AMMECR1: variants seen among roughly 807,000 people sequenced by gnomAD.
The protein encoded by AMMECR1 is nuclear protein AMMECR1.
AMMECR1 carries 3 observed loss-of-function variants against 22.5 expected under a neutral mutation model. The observed-to-expected ratio is 0.13, with a 90% CI of 0.06 to 0.35. The LOEUF (loss-of-function observed/expected upper bound fraction) is 0.35. Among genes scored for constraint, AMMECR1 ranks in the 10% least tolerant of loss-of-function variants. The pLI is 1.00. For synonymous variants in AMMECR1, 130 were observed against 116.7 expected, an observed-to-expected ratio of 1.11 and a Z score of -0.74; for missense variants, 235 against 278.7, an observed-to-expected ratio of 0.84 and a Z score of 1.12.
Position 110,197,972 on chromosome X carries a change from A to G in AMMECR1, c.*548T>C, listed in dbSNP as rs1214597244. 8.9e-6 allele frequency: 1 copy of G among 112,154 alleles called. No individual in the cohort carries two copies. 9.2% of individuals were successfully genotyped at this position (112,154 alleles called of 1,213,427 possible). ...GCTGTCATAGCAAAGTGAATTTCAG[A>G]CAAAAATCAAGAGTAATATACAAAT... is the stretch of plus-strand genomic sequence containing the variant. On this transcript the variant is annotated 3_prime_UTR_variant, in exon 6 of 6. Coordinates refer to ENST00000262844, the MANE Select transcript of AMMECR1 (RefSeq NM_015365.3).
At chrX:110,425,352 G>A (rs1407510390) in intron 2 of AMMECR1, among the ~76,000 whole-genome samples, 1 of 112,264 alleles carries the variant, frequency 8.9e-6, no homozygotes, top group African/African-American at 3.2e-5. Flanking sequence ...TTCCCACTCC[G>A]CAATTTCTCA....
At chrX:110,408,045 A>G (rs1394801023) in intron 2 of AMMECR1, among the ~76,000 whole-genome samples, 1 of 112,651 alleles carries the variant, frequency 8.9e-6, no homozygotes. Context: ...TGGAGCAGGA[A>G]ACTCAACTGC....
intron 3 of AMMECR1, among the ~76,000 whole-genome samples, chrX:110,203,354 A>AT (rs200513434): frequency 1.2e-3 from 131 of 111,236 alleles, no homozygotes; most frequent in Middle Eastern, 4.6e-3. Context: ...TTTCTTGCTA[A>AT]TTTTTTTTTA....
At chrX:110,363,539 T>C (rs1174747550) in intron 2 of AMMECR1, among the ~76,000 whole-genome samples, 1 of 111,657 alleles carries the variant, frequency 9.0e-6, no homozygotes, top group Non-Finnish European at 1.9e-5. Context: ...GCTGGGAAAG[T>C]CCATATAACT....
At chrX:110,223,838 T>C (rs763850005) in intron 2 of AMMECR1, among the ~76,000 whole-genome samples, 1 of 111,968 alleles carries the variant, frequency 8.9e-6, no homozygotes, top group South Asian at 3.7e-4. Context: ...CTCTAGAACA[T>C]AACATATTAC....
At chrX:110,252,846 C>T (rs1372322845) in intron 2 of AMMECR1, among the ~76,000 whole-genome samples, 4 of 112,332 alleles carry the variant, frequency 3.6e-5, no homozygotes, top group Non-Finnish European at 5.6e-5. Context: ...AGTAAATTTA[C>T]AGTATGCCAG....
At chrX:110,234,610 T>C (rs7883278) in intron 2 of AMMECR1, among the ~76,000 whole-genome samples, 4,860 of 111,787 alleles carry the variant, frequency 0.043, 284 homozygotes, top group African/African-American at 0.15. Flanking sequence ...CAAAACAGCA[T>C]GGTACTGGTA....
At chrX:110,290,244 G>A (rs978145329) in intron 1 of AMMECR1, among the ~76,000 whole-genome samples, 8 of 111,811 alleles carry the variant, frequency 7.2e-5, no homozygotes, top group African/African-American at 2.6e-4. Flanking sequence ...ATGATCCACT[G>A]TGAACATTAG....
At chrX:110,339,165 C>T (rs1162506485) in intron 2 of AMMECR1, among the ~76,000 whole-genome samples, 2 of 111,409 alleles carry the variant, frequency 1.8e-5, no homozygotes, top group South Asian at 3.8e-4. Flanking sequence ...GTGCCACCAA[C>T]GGTGAGATTA....
intron 2 of AMMECR1, among the ~76,000 whole-genome samples, chrX:110,413,930 A>T (rs866522657): frequency 2.7e-5 from 3 of 111,973 alleles, no homozygotes; most frequent in Non-Finnish European, 5.6e-5. Context: ...CAATAACTTT[A>T]TGAGGAAGAT....
intron 2 of AMMECR1, among the ~76,000 whole-genome samples, chrX:110,346,268 T>G (rs1164518799): frequency 9.0e-6 from 1 of 111,716 alleles, no homozygotes; most frequent in East Asian, 2.8e-4. Context: ...ATCCTGTATA[T>G]AAACAGAAAC....
At chrX:110,321,763 T>C (rs912022398), upstream of AMMECR1, among the ~76,000 whole-genome samples, 1 of 111,576 alleles carries the variant, frequency 9.0e-6, no homozygotes, top group African/African-American at 3.3e-5. Flanking sequence ...ACCTGCCATT[T>C]ATGCCCAAAC....
At chrX:110,227,809 A>G (rs868203317) in intron 2 of AMMECR1, among the ~76,000 whole-genome samples, 8 of 112,172 alleles carry the variant, frequency 7.1e-5, no homozygotes, top group Admixed American at 3.8e-4. Flanking sequence ...AAGATGACCC[A>G]TTCCCTTCTG....
At chrX:110,341,050 A>G (rs1427326799) in intron 2 of AMMECR1, among the ~76,000 whole-genome samples, 2 of 112,638 alleles carry the variant, frequency 1.8e-5, no homozygotes, top group Middle Eastern at 4.6e-3. Flanking sequence ...GAGGAAGTTG[A>G]TGGCAGCAAC....
chrX:110,417,480 A>AT lies in AMMECR1; in HGVS notation c.-148+9177dup, dbSNP rs371569472. ...TAGGGGTGTGCAGACGCAAATGAGC[A>AT]TTTTTTTTTTATGCGATAAGCCCTG... On this transcript the variant is annotated intron_variant, in intron 2 of 7. Transcript: ENST00000372057. 2.3e-3 allele frequency among the ~76,000 whole-genome samples: 246 copies of AT among 108,577 alleles called. 1 individual carries two copies. Among genetic ancestry groups the AT allele is most frequent in the East Asian group, 0.01 (36 of 3,470 alleles). 94.3% of individuals were successfully genotyped at this position (108,577 alleles called of 115,157 possible). A position where few individuals can be genotyped will look rare whatever the true frequency, so the allele number is the denominator to read the frequency against.
intron 2 of AMMECR1, among the ~76,000 whole-genome samples, chrX:110,348,111 C>T: frequency 8.9e-6 from 1 of 112,030 alleles, no homozygotes; most frequent in Non-Finnish European, 1.9e-5. Context: ...GCCCATTTCT[C>T]ATCCAAAAGA....
chrX:110,317,403 C>A (rs930984722), intron 1 of AMMECR1, among the ~76,000 whole-genome samples, 196 bp downstream of exon 1: 12 of 111,972 alleles, frequency 1.1e-4, no homozygotes, highest in Non-Finnish European at 1.7e-4. Context: ...GCAGCAGCAC[C>A]CTGCTCCAAG....
intron 2 of AMMECR1, among the ~76,000 whole-genome samples, chrX:110,341,035 A>G (rs1172946301): frequency 8.9e-6 from 1 of 112,579 alleles, no homozygotes; most frequent in Non-Finnish European, 1.9e-5. Context: ...AACTTCAAAA[A>G]TGATGAGGAA....
At chrX:110,433,015 G>T (rs1004788124) in intron 1 of AMMECR1, among the ~76,000 whole-genome samples, 1 of 112,630 alleles carries the variant, frequency 8.9e-6, no homozygotes, top group Non-Finnish European at 1.9e-5. Flanking sequence ...TCGACCTCCT[G>T]GCCTGGTGGC....
Sources: allele counts gnomAD v4.1 joint callset (sites outside exome capture counted in the v4.1 genomes callset), GRCh38; gene constraint gnomAD v4.1.1; transcripts MANE v1.5; gene names NCBI Gene and HGNC (gene_info 2026-07-23, HGNC 2026-07-21).